Variants in UGGT2 observed in about 807,000 individuals in gnomAD.
UGGT2 encodes UDP-glucose glycoprotein glucosyltransferase 2.
UGGT2 carries 180 observed loss-of-function variants against 192.1 expected under a neutral mutation model. The observed-to-expected ratio is 0.94, with a 90% CI of 0.83 to 1.06. UGGT2 has a LOEUF of 1.06. UGGT2 is among the 50% of genes least tolerant of loss of function. The pLI is 0.00. For missense variants in UGGT2, 1,849 were observed against 1,795.7 expected, an observed-to-expected ratio of 1.03 and a Z score of -0.54; for synonymous variants, 580 against 591.0, an observed-to-expected ratio of 0.98 and a Z score of 0.27.
At chr13:95,855,417 T>C (rs923911279) in intron 34 of UGGT2, among the ~76,000 whole-genome samples, 4 of 151,752 alleles carry the variant, frequency 2.6e-5, no homozygotes, top group Non-Finnish European at 5.9e-5. Flanking sequence ...CCACTAATGA[T>C]GCAAAAGCAA....
chr13:95,828,107 T>C (rs1886234649), intron 38 of UGGT2, among the ~76,000 whole-genome samples: 1 of 152,114 alleles, frequency 6.6e-6, no homozygotes, highest in Admixed American at 6.6e-5. Flanking sequence ...GGCAGCCCTA[T>C]GATTAAACCT....
At chr13:95,853,168 G>C (rs1006549216) in intron 36 of UGGT2, among the ~76,000 whole-genome samples, 2 of 152,152 alleles carry the variant, frequency 1.3e-5, no homozygotes, top group South Asian at 2.1e-4. Flanking sequence ...CGCCATGATT[G>C]TAAGTTTCCT....
rs1007288756 is a variant in UGGT2 at position 96,015,241 on chromosome 13, G to A, written c.486-1760C>T. 4.7e-5 allele frequency among the ~76,000 whole-genome samples: 7 copies of A among 147,954 alleles called. No individual in the cohort carries two copies. In the East Asian group the frequency reaches 1.2e-3, roughly 25 times the overall value. The stretch of plus-strand genomic sequence containing the variant: ...TGCAGTGAGCCGAGATCGCATCACT[G>A]CACTCCAGTCTGGGCAACAGAGCAA... On this transcript the variant is annotated intron_variant, in intron 4 of 38. Coordinates refer to ENST00000376747, the MANE Select transcript of UGGT2 (RefSeq NM_020121.4).
In UGGT2 at chr13:95,884,675, TA is replaced by T; in HGVS notation, c.3043del (p.Tyr1015ThrfsTer9). 6.2e-7 allele frequency: 1 copy of T among 1,601,158 alleles called. No individual in the cohort carries two copies. The highest frequency in any genetic ancestry group is 1.1e-5 in the South Asian group (1 of 88,064). On this transcript the variant is annotated frameshift_variant, in exon 27 of 39. Transcript: ENST00000376747. LOFTEE classifies it high-confidence loss of function. ...CAGTTCTGGTTCCAGAACAAAACGG[TA>T]AAAGCTGTTAATAAAACATAAAAAT... is the stretch of plus-strand genomic sequence containing the variant. Reference protein sequence around the residue: ...RLSEAPLESFYRFVLEPELMS... With the variant: ...RLSEAPLESFXRFVLEPELMS...
chr13:96,013,170 A>G, intron 5 of UGGT2, 137 bp downstream of exon 5: 2 of 838,906 alleles, frequency 2.4e-6, no homozygotes, highest in South Asian at 4.7e-5. Flanking sequence ...TTTCCACATG[A>G]AATTCACATT....
At chr13:95,991,230 T>C (rs1389482519) in intron 7 of UGGT2, 1 of 252,426 alleles carries the variant, frequency 4.0e-6, no homozygotes, top group Non-Finnish European at 8.1e-6. Flanking sequence ...ATCCTTTGGG[T>C]ATACACCCAG....
rs1319427956 is a variant in UGGT2, at chr13:96,023,171, T to C, written c.373-19A>G. ...CTGCAATCTAAGATTTCAAAGATTATATTTAGCTACAGCAGTTGATAATTA... is the reference window on the plus strand; with the variant it reads ...CTGCAATCTAAGATTTCAAAGATTACATTTAGCTACAGCAGTTGATAATTA... On this transcript the variant is annotated intron_variant, in intron 3 of 38. Coordinates refer to ENST00000376747, the MANE Select transcript of UGGT2 (RefSeq NM_020121.4). The C allele has an allele frequency of 6.5e-7, 1 of 1,549,174 alleles. No homozygotes were observed. Among genetic ancestry groups the C allele is most frequent in the South Asian group, 1.3e-5 (1 of 77,446 alleles).
intron 15 of UGGT2, among the ~76,000 whole-genome samples, chr13:95,942,711 A>G (rs1200320202): frequency 1.3e-5 from 2 of 152,128 alleles, no homozygotes; most frequent in African/African-American, 4.8e-5. Context: ...TTTATTGGCC[A>G]TATGTATTGT....
chr13:96,027,497 TCAACCTC>T (rs1447025401), intron 2 of UGGT2, among the ~76,000 whole-genome samples: 28 of 152,194 alleles, frequency 1.8e-4, no homozygotes, highest in Non-Finnish European at 3.4e-4. Flanking sequence ...GCCTTTATCT[TCAACCTC>T]AGCTTTTACT....
chr13:95,903,937 A>T (rs2048189549), intron 20 of UGGT2, among the ~76,000 whole-genome samples: 1 of 152,094 alleles, frequency 6.6e-6, no homozygotes, highest in South Asian at 2.1e-4. Context: ...CAGGGTTTTA[A>T]TTTTCTTTTC....
At chr13:95,958,636 A>T (rs1327127314) in intron 12 of UGGT2, among the ~76,000 whole-genome samples, 3 of 151,366 alleles carry the variant, frequency 2.0e-5, no homozygotes, top group Non-Finnish European at 4.4e-5. Flanking sequence ...AAGATGGCTG[A>T]ATAGATGTAT....
intron 12 of UGGT2, among the ~76,000 whole-genome samples, chr13:95,957,987 T>C (rs1203618388): frequency 6.6e-6 from 1 of 152,184 alleles, no homozygotes; most frequent in East Asian, 1.9e-4. Context: ...TAAAGAGTGG[T>C]AGAAAACAGT....
intron 35 of UGGT2, 90 bp downstream of exon 35, chr13:95,854,225 T>G: frequency 1.4e-6 from 2 of 1,438,500 alleles, no homozygotes; most frequent in Admixed American, 4.5e-5. Flanking sequence ...GTGTAATTTT[T>G]AAGAAAACTG....
At chr13:95,995,966 AAAGAAAGGTGAAGCAT>A in intron 7 of UGGT2, 81 bp downstream of exon 7, 1 of 1,024,630 alleles carries the variant, frequency 9.8e-7, no homozygotes, top group Non-Finnish European at 1.5e-6. Flanking sequence ...TTTCTACATA[AAAGAAAGGTGAAGCAT>A]ATGGCAAAAC....
intron 12 of UGGT2, among the ~76,000 whole-genome samples, chr13:95,958,439 C>A (rs1226730931): frequency 6.6e-6 from 1 of 152,208 alleles, no homozygotes; most frequent in Non-Finnish European, 1.5e-5. Context: ...GCGTAAGCCT[C>A]CACGCCTGGC....
chr13:95,947,287 C>T (rs1455535061), intron 14 of UGGT2, 115 bp from the exon 15 acceptor site: 1 of 1,114,304 alleles, frequency 9.0e-7, no homozygotes, highest in Non-Finnish European at 1.2e-6. Flanking sequence ...TATTAATAGA[C>T]AGAGAAAAGG....
At chr13:95,946,998 T>C in intron 15 of UGGT2, 39 bp downstream of exon 15, 2 of 1,491,346 alleles carry the variant, frequency 1.3e-6, no homozygotes, top group Non-Finnish European at 1.8e-6. Context: ...TGCAAGAATT[T>C]TACCTTCTAA....
chr13:96,016,060 G>A (rs1045947109), intron 4 of UGGT2, among the ~76,000 whole-genome samples: 2 of 152,186 alleles, frequency 1.3e-5, no homozygotes, highest in African/African-American at 2.4e-5. Context: ...GATGACTTAA[G>A]ACGTTTGGTG....
chr13:95,833,810 C>T (rs890714465), intron 37 of UGGT2, among the ~76,000 whole-genome samples: 4 of 152,174 alleles, frequency 2.6e-5, no homozygotes, highest in Admixed American at 6.6e-5. Flanking sequence ...TTTACTGAGA[C>T]AGAAGACAAT....
Sources: gnomAD v4.1 joint callset for allele counts (sites outside exome capture counted in the v4.1 genomes callset) on GRCh38, gnomAD v4.1.1 for gene constraint, MANE v1.5 for transcripts, NCBI Gene and HGNC (gene_info 2026-07-23, HGNC 2026-07-21) for gene names.